Variants in NIPAL1 observed in about 807,000 individuals in gnomAD.
NIPAL1 encodes NIPA like domain containing 1, also known as magnesium transporter NIPA3.
Under a neutral mutation model 37.7 loss-of-function variants are expected in NIPAL1, and 35 were observed. That is an observed-to-expected ratio of 0.93 (90% confidence interval 0.71 to 1.23). The LOEUF (loss-of-function observed/expected upper bound fraction) is 1.23, where lower values mean the gene tolerates loss of function less well. NIPAL1 is among the 50% of genes most tolerant of loss of function. The pLI is 0.00. For missense variants in NIPAL1, 412 were observed against 473.9 expected, an observed-to-expected ratio of 0.87 and a Z score of 1.21; for synonymous variants, 162 against 183.0, an observed-to-expected ratio of 0.89 and a Z score of 0.93.
At chr4:48,018,268 T>G (rs1040230721) in intron 1 of NIPAL1, among the ~76,000 whole-genome samples, 3 of 151,614 alleles carry the variant, frequency 2.0e-5, no homozygotes, top group African/African-American at 7.2e-5. Context: ...ACACCCACAC[T>G]TGTTTACCCA....
chr4:48,017,453 T>A (rs1314417200), intron 1 of NIPAL1, among the ~76,000 whole-genome samples: 1 of 150,592 alleles, frequency 6.6e-6, no homozygotes, highest in East Asian at 2.0e-4. Flanking sequence ...TGAAAAGGTC[T>A]CCAAACCCAT....
At chr4:48,017,971 T>C (rs1222503632) in intron 1 of NIPAL1, among the ~76,000 whole-genome samples, 1 of 151,820 alleles carries the variant, frequency 6.6e-6, no homozygotes, top group Non-Finnish European at 1.5e-5. Flanking sequence ...TTTTAACAAG[T>C]GAGCTCGTCC....
At chr4:48,019,629 A>G (rs79612323) in intron 1 of NIPAL1, among the ~76,000 whole-genome samples, 18 of 152,340 alleles carry the variant, frequency 1.2e-4, no homozygotes, top group African/African-American at 4.1e-4. Context: ...AACTTATTCT[A>G]TGAAAGGAAC....
chr4:48,029,391 A>G (rs1715768329), intron 2 of NIPAL1, among the ~76,000 whole-genome samples: 1 of 152,160 alleles, frequency 6.6e-6, no homozygotes, highest in Admixed American at 6.5e-5. Context: ...ATGCACATTC[A>G]AAGTGGAATA....
chr4:48,037,048 T>A lies in NIPAL1; in HGVS notation c.*876T>A. On this transcript the variant is annotated 3_prime_UTR_variant, in exon 6 of 6. Coordinates refer to ENST00000295461, the MANE Select transcript of NIPAL1 (RefSeq NM_207330.3). ...CCTCCTTCTTAAACTAGATAGCTAA[T>A]TAGTTATTTTAAGAAAAAAGAAATT... 6.1e-6 allele frequency: 1 copy of A among 163,402 alleles called. No individual in the cohort carries two copies. The allele number at this position is 163,402 out of a possible 1,614,324, so 10.1% of individuals were successfully genotyped here.
chr4:48,033,210 A>G, intron 4 of NIPAL1, 127 bp downstream of exon 4: 1 of 575,030 alleles, frequency 1.7e-6, no homozygotes, highest in Non-Finnish European at 3.0e-6. Context: ...CCTGGGCTCT[A>G]AAAGTCTAGA....
At position 48,035,031 on chromosome 4, in the gene NIPAL1, G is replaced by C. The variant is rs759308203; in HGVS notation, c.612G>C (p.Leu204Phe). 1.2e-6 allele frequency: 2 copies of C among 1,613,794 alleles called. No individual in the cohort carries two copies. Among genetic ancestry groups the C allele is most frequent in the East Asian group, 4.5e-5 (2 of 44,868 alleles). The change falls in exon 5 of 6, where the codon TTG (leucine) becomes TTC (phenylalanine). Residue 204 changes from leucine to phenylalanine, a missense_variant. Transcript: ENST00000295461. ...CTTTGCATGAAATGGAAATGAAATT[G>C]AGAGACCCAGGTCTGTGATTCAACC... ...VTSLHEMEMK[L>F]RDPGFISFAV...
At chr4:48,031,694 AT>A (rs1482400558) in intron 3 of NIPAL1, among the ~76,000 whole-genome samples, 1 of 152,214 alleles carries the variant, frequency 6.6e-6, no homozygotes, top group Non-Finnish European at 1.5e-5. Context: ...AGATAAAAAT[AT>A]AAATAATATA....
Position 48,025,437 on chromosome 4 carries a change from T to C in NIPAL1, c.313+103T>C, listed in dbSNP as rs571335458. 8.6e-6 allele frequency: 10 copies of C among 1,166,018 alleles called. No individual in the cohort carries two copies. The South Asian group carries it at 1.4e-4, about 16-fold the overall frequency. The allele number at this position is 1,166,018 out of a possible 1,614,324, so 72.2% of individuals were successfully genotyped here. ...TATAAACTTGCTTGTGTAATTATAG[T>C]TATTGATTTTTTTTCCATATGGATG... On this transcript the variant is annotated intron_variant, in intron 2 of 5. Transcript: ENST00000295461.
chr4:48,025,434 T>A, intron 2 of NIPAL1, 100 bp downstream of exon 2: 1 of 1,197,216 alleles, frequency 8.4e-7, no homozygotes, highest in Non-Finnish European at 1.2e-6. Flanking sequence ...TGTGTAATTA[T>A]AGTTATTGAT....
At chr4:48,020,172 T>A (rs1312044293) in intron 1 of NIPAL1, among the ~76,000 whole-genome samples, 1 of 152,016 alleles carries the variant, frequency 6.6e-6, no homozygotes, top group Non-Finnish European at 1.5e-5. Context: ...AAAAGAAGAT[T>A]AGTGTTTCAG....
chr4:48,018,943 G>A (rs899345322), intron 1 of NIPAL1, among the ~76,000 whole-genome samples: 8 of 152,228 alleles, frequency 5.3e-5, no homozygotes, highest in Non-Finnish European at 1.0e-4. Context: ...ATGACAAGGG[G>A]TCAGTCATGA....
At chr4:48,035,441 A>T in intron 5 of NIPAL1, 121 bp from the exon 6 acceptor site, 2 of 907,996 alleles carry the variant, frequency 2.2e-6, no homozygotes, top group African/African-American at 1.7e-5. Flanking sequence ...TGTTGTTTTT[A>T]ATTTGATCTC....
At chr4:48,035,433 TTG>T in intron 5 of NIPAL1, 127 bp from the exon 6 acceptor site, 1 of 833,788 alleles carries the variant, frequency 1.2e-6, no homozygotes, top group Non-Finnish European at 1.9e-6. Flanking sequence ...CAATAGAATG[TTG>T]TTTTTAATTT....
At chr4:48,026,975 C>G (rs1393216809) in intron 2 of NIPAL1, among the ~76,000 whole-genome samples, 3 of 151,784 alleles carry the variant, frequency 2.0e-5, no homozygotes, top group African/African-American at 7.3e-5. Context: ...GCCTCGGCCT[C>G]CCAAAGTGCT....
intron 1 of NIPAL1, among the ~76,000 whole-genome samples, chr4:48,020,295 G>A (rs1560321568): frequency 6.6e-6 from 1 of 152,202 alleles, no homozygotes; most frequent in African/African-American, 2.4e-5. Context: ...GTTGTAAGTT[G>A]AGATGAAAAA....
intron 3 of NIPAL1, among the ~76,000 whole-genome samples, chr4:48,030,700 G>A (rs188546431): frequency 6.6e-6 from 1 of 152,158 alleles, no homozygotes; most frequent in Non-Finnish European, 1.5e-5. Context: ...AGACTTTACA[G>A]GATCTGAAAG....
rs1715978611 is a variant in NIPAL1 at position 48,037,411 on chromosome 4, T to C, written c.*1239T>C. The stretch of plus-strand genomic sequence containing the variant: ...TCTTTTACTATTATCCTAAAGGTTA[T>C]TTTTCTTGTTGATATAGAGATTTTT... On this transcript the variant is annotated 3_prime_UTR_variant, in exon 6 of 6. Coordinates refer to ENST00000295461, the MANE Select transcript of NIPAL1 (RefSeq NM_207330.3). 4.3e-6 allele frequency: 1 copy of C among 234,574 alleles called. No homozygotes were observed. Among genetic ancestry groups the C allele is most frequent in the African/African-American group, 2.3e-5 (1 of 43,256 alleles). The allele number at this position is 234,574 out of a possible 1,614,324, so 14.5% of individuals were successfully genotyped here. A position where few individuals can be genotyped will look rare whatever the true frequency, so the allele number is the denominator to read the frequency against.
At chr4:48,023,981 T>G (rs1345643477) in intron 1 of NIPAL1, among the ~76,000 whole-genome samples, 2 of 149,612 alleles carry the variant, frequency 1.3e-5, no homozygotes, top group Non-Finnish European at 3.0e-5. Context: ...TCTTCTTTTT[T>G]TTTTTTTTTT....
Sources: gnomAD v4.1 joint callset for allele counts (sites outside exome capture counted in the v4.1 genomes callset) on GRCh38, gnomAD v4.1.1 for gene constraint, MANE v1.5 for transcripts, NCBI Gene and HGNC (gene_info 2026-07-23, HGNC 2026-07-21) for gene names.